RUVBL2: variants seen among roughly 807,000 people sequenced by gnomAD.
RUVBL2 encodes ruvB-like 2.
In RUVBL2, 9 loss-of-function variants were observed where a neutral mutation model predicts 57.9. The ratio of observed to expected loss-of-function variants is 0.16; its 90% CI spans 0.09 to 0.27. The LOEUF (loss-of-function observed/expected upper bound fraction) is 0.27, where lower values mean the gene tolerates loss of function less well. Among genes scored for constraint, RUVBL2 ranks in the 10% least tolerant of loss-of-function variants. The probability of loss-of-function intolerance (pLI) is 1.00; values close to 1 mark genes in which losing one functional copy is unlikely to be tolerated. For synonymous variants in RUVBL2, 278 were observed against 264.6 expected, an observed-to-expected ratio of 1.05 and a Z score of -0.49; for missense variants, 456 against 669.6, an observed-to-expected ratio of 0.68 and a Z score of 3.52.
In RUVBL2 at chr19:49,010,472, C is replaced by A; in HGVS notation, c.664-16C>A. 13 of 1,426,426 alleles carry A rather than the reference C, an allele frequency of 9.1e-6. No homozygotes were observed. The highest frequency in any genetic ancestry group is 1.8e-4 in the Middle Eastern group (1 of 5,496). The allele number at this position is 1,426,426 out of a possible 1,614,324, so 88.4% of individuals were successfully genotyped here. On this transcript the variant is annotated splice_polypyrimidine_tract_variant and intron_variant, in intron 8 of 14. Transcript: ENST00000595090. ...TGCCCTGTCTCCGCCGTTCTTCCCC[C>A]ACCCCCGCCCCATAGACCAAGTTCG...
intron 4 of RUVBL2, 47 bp downstream of exon 4, chr19:49,004,465 ACTC>A (rs747490720): frequency 1.3e-6 from 2 of 1,560,568 alleles, no homozygotes; most frequent in East Asian, 2.3e-5. Flanking sequence ...CTGCTAAATA[ACTC>A]CTCCTGTGTA....
chr19:49,004,504 T>A, intron 4 of RUVBL2, 86 bp downstream of exon 4: 1 of 1,354,672 alleles, frequency 7.4e-7, no homozygotes, highest in Non-Finnish European at 1.0e-6. Flanking sequence ...GAGCCGCCTT[T>A]AACAGATGAC....
Position 49,015,916 on chromosome 19 carries a change from G to T in RUVBL2, c.*74G>T, listed in dbSNP as rs2122669741. ...CACTGTGACTCTGTATAAAATGGTT[G>T]GGAAGCTGCACCCACCCTGTGTATG... On this transcript the variant is annotated 3_prime_UTR_variant, in exon 15 of 15. Transcript: ENST00000595090. The T allele has an allele frequency of 2.5e-6, 4 of 1,614,110 alleles. No homozygotes were observed. Among genetic ancestry groups the T allele is most frequent in the Non-Finnish European group, 3.4e-6 (4 of 1,179,948 alleles).
Position 49,008,642 on chromosome 19 carries a change from C to T in RUVBL2, c.463-1134C>T, listed in dbSNP as rs370821246. Reference sequence around the variant, plus strand: ...GGGCGATCACTTGAGATCAGGAGTTCGAAACGAGCCTGACTAACATGGTGA... The same window carrying T: ...GGGCGATCACTTGAGATCAGGAGTTTGAAACGAGCCTGACTAACATGGTGA... On this transcript the variant is annotated intron_variant, in intron 6 of 14. Transcript: ENST00000595090. 4.6e-4 allele frequency among the ~76,000 whole-genome samples: 70 copies of T among 151,796 alleles called. No homozygotes were observed. In the South Asian group the frequency reaches 0.015, roughly 32 times the overall value.
rs1382124636 is a variant in RUVBL2, at chr19:49,003,339, A to C, written c.123+5A>C. ...GATGCCTTGGAGCCTCGGCAGGTAG[A>C]GCAGAGGAGGCTGGGGTGTGAGGGC... is the stretch of plus-strand genomic sequence containing the variant. On this transcript the variant is annotated splice_donor_5th_base_variant and intron_variant, in intron 3 of 14. Coordinates refer to ENST00000595090, the MANE Select transcript of RUVBL2 (RefSeq NM_006666.3). 6.2e-7 allele frequency: 1 copy of C among 1,613,692 alleles called. No individual in the cohort carries two copies. Among genetic ancestry groups the C allele is most frequent in the East Asian group, 2.2e-5 (1 of 44,872 alleles).
chr19:49,015,619 C>G lies in RUVBL2; in HGVS notation c.1299C>G (p.Phe433Leu), dbSNP rs773597001. 6.2e-7 allele frequency: 1 copy of G among 1,614,132 alleles called. No homozygotes were observed. ...VDDIKRVYSL[F>L]LDESRSTQYM... ...ACATCAAGCGGGTCTACTCACTCTT[C>G]CTGGACGAGTCCCGCTCCACGCAGT... Residue 433 changes from phenylalanine to leucine, a missense_variant, in exon 14 of 15, where the codon TTC becomes TTG. Phe to Leu is a conservative substitution (Grantham distance 22). Around this residue, in one of 5 missense-constraint regions of RUVBL2, gnomAD observed 67 missense variants for 71.5 expected, o/e 0.94. Coordinates refer to ENST00000595090, the MANE Select transcript of RUVBL2 (RefSeq NM_006666.3).
At chr19:49,002,518 T>G (rs2039204802) in intron 2 of RUVBL2, among the ~76,000 whole-genome samples, 1 of 152,106 alleles carries the variant, frequency 6.6e-6, no homozygotes, top group South Asian at 2.1e-4. Context: ...ATCAATAGGT[T>G]CTGGGACTGT....
At chr19:49,002,274 T>A (rs2039199559) in intron 2 of RUVBL2, among the ~76,000 whole-genome samples, 1 of 152,070 alleles carries the variant, frequency 6.6e-6, no homozygotes, top group Non-Finnish European at 1.5e-5. Flanking sequence ...AGTCTCGAAC[T>A]CCTGACCTCA....
At chr19:49,001,622 T>C (rs1476883010) in intron 2 of RUVBL2, 1 of 151,528 alleles carries the variant, frequency 6.6e-6, no homozygotes, top group Non-Finnish European at 1.5e-5. Flanking sequence ...TTATTTTATT[T>C]TTTTTTTTGA....
intron 2 of RUVBL2, among the ~76,000 whole-genome samples, chr19:49,002,007 T>A (rs577890194): frequency 6.6e-6 from 1 of 152,130 alleles, no homozygotes; most frequent in East Asian, 1.9e-4. Context: ...ACAGACAGTA[T>A]ATAAATGGCA....
intron 2 of RUVBL2, among the ~76,000 whole-genome samples, chr19:49,002,843 C>T (rs1488942125): frequency 2.0e-5 from 3 of 152,120 alleles, no homozygotes; most frequent in Non-Finnish European, 4.4e-5. Flanking sequence ...CCTCGGCCTC[C>T]CAAAGTGCTG....
rs115579192 is a variant in RUVBL2, at chr19:49,014,793, C to T, written c.1121+190C>T. 9.7e-3 allele frequency among the ~76,000 whole-genome samples: 1,482 copies of T among 152,294 alleles called. 16 individuals carry two copies. The highest frequency in any genetic ancestry group is 0.03 in the African/African-American group (1,234 of 41,546). On this transcript the variant is annotated intron_variant, in intron 12 of 14. Coordinates refer to ENST00000595090, the MANE Select transcript of RUVBL2 (RefSeq NM_006666.3). ...ACGGTGGGAAAGGGAGGCGAGGTACCCGTGACTGGTGTTGGGGCCAGCGCC... is the reference window on the plus strand; with the variant it reads ...ACGGTGGGAAAGGGAGGCGAGGTACTCGTGACTGGTGTTGGGGCCAGCGCC...
At chr19:49,014,359 G>A (rs939873269) in intron 11 of RUVBL2, 125 bp from the exon 12 acceptor site, 7 of 1,151,808 alleles carry the variant, frequency 6.1e-6, no homozygotes, top group East Asian at 4.9e-5. Flanking sequence ...CAGGAGACGC[G>A]AGCTAAAGGT....
chr19:49,015,439 C>A, intron 13 of RUVBL2, 133 bp from the exon 14 acceptor site: 1 of 783,408 alleles, frequency 1.3e-6, no homozygotes, highest in Non-Finnish European at 2.1e-6. Flanking sequence ...TGAACCCAGG[C>A]AATCTGGCCC....
intron 13 of RUVBL2, chr19:49,015,366 C>T (rs1485734246): frequency 2.8e-6 from 2 of 716,430 alleles, no homozygotes; most frequent in East Asian, 2.7e-5. Context: ...GTCCACCTTA[C>T]AGATAAAGAA....
At chr19:49,009,478 C>T (rs2039360830) in intron 6 of RUVBL2, among the ~76,000 whole-genome samples, 1 of 151,844 alleles carries the variant, frequency 6.6e-6, no homozygotes, top group Admixed American at 6.6e-5. Context: ...CAGAGCAAGA[C>T]TCCGTCTCAA....
chr19:49,004,642 A>G (rs1277127723), intron 4 of RUVBL2, among the ~76,000 whole-genome samples: 3 of 152,118 alleles, frequency 2.0e-5, no homozygotes, highest in Non-Finnish European at 4.4e-5. Flanking sequence ...CATCCTCTGC[A>G]CTTGGTTCCA....
rs1252505245 is a variant in RUVBL2, at chr19:49,015,005, C to T, written c.1122-16C>T. 6 of 1,586,610 alleles carry T rather than the reference C, an allele frequency of 3.8e-6. No individual in the cohort carries two copies. The highest frequency in any genetic ancestry group is 1.8e-5 in the Admixed American group (1 of 56,384). Reference sequence around the variant, plus strand: ...TGGGCCCCGGCTGAGCCACCCCTGTCCCCCACTGCTTGCAGGTGCGAGGAA... The same window carrying T: ...TGGGCCCCGGCTGAGCCACCCCTGTTCCCCACTGCTTGCAGGTGCGAGGAA... On this transcript the variant is annotated splice_polypyrimidine_tract_variant and intron_variant, in intron 12 of 14. Coordinates refer to ENST00000595090, the MANE Select transcript of RUVBL2 (RefSeq NM_006666.3).
intron 4 of RUVBL2, 112 bp downstream of exon 4, chr19:49,004,530 C>A: frequency 9.7e-7 from 1 of 1,034,230 alleles, no homozygotes; most frequent in Non-Finnish European, 1.4e-6. Context: ...ATGGCAGTGG[C>A]TTAAACACTC....
Sources: gnomAD v4.1 joint callset for allele counts (sites outside exome capture counted in the v4.1 genomes callset) on GRCh38, gnomAD v4.1.1 for gene constraint, gnomAD v4.1.1 regional missense constraint, MANE v1.5 for transcripts, NCBI Gene and HGNC (gene_info 2026-07-23, HGNC 2026-07-21) for gene names.